ATRNL1: variants seen among roughly 807,000 people sequenced by gnomAD.
ATRNL1 encodes the protein attractin like 1, also known as attractin-like protein 1.
A neutral mutation model predicts 182.7 loss-of-function variants in ATRNL1; 95 were observed. The ratio of observed to expected loss-of-function variants is 0.52; its 90% CI spans 0.44 to 0.62. The LOEUF is 0.62. Among genes scored for constraint, ATRNL1 ranks in the 20% least tolerant of loss-of-function variants. The probability of loss-of-function intolerance (pLI) is 0.00; values close to 1 mark genes in which losing one functional copy is unlikely to be tolerated. For synonymous variants in ATRNL1, 576 were observed against 568.3 expected (o/e 1.01, Z -0.19); for missense variants, 1,471 against 1,679.5 (o/e 0.88, Z 2.17).
intron 26 of ATRNL1, among the ~76,000 whole-genome samples, chr10:115,555,594 A>G (rs1853267225): frequency 6.6e-6 from 1 of 151,972 alleles, no homozygotes; most frequent in South Asian, 2.1e-4. Context: ...TGTTTCAAGC[A>G]CATTTTTAGA....
intron 15 of ATRNL1, among the ~76,000 whole-genome samples, chr10:115,288,812 G>A (rs566015648): frequency 7.2e-5 from 11 of 152,208 alleles, no homozygotes; most frequent in South Asian, 2.1e-4. Context: ...ATGAGCCACC[G>A]TGTCCGGCCT....
At chr10:115,694,071 A>G (rs900172369) in intron 26 of ATRNL1, among the ~76,000 whole-genome samples, 14 of 151,896 alleles carry the variant, frequency 9.2e-5, no homozygotes, top group African/African-American at 3.4e-4. Context: ...TCCCTAAATC[A>G]TAGTACTTGT....
chr10:115,494,172 T>G (rs1473450371), intron 24 of ATRNL1, among the ~76,000 whole-genome samples: 2 of 152,192 alleles, frequency 1.3e-5, no homozygotes, highest in Non-Finnish European at 2.9e-5. Flanking sequence ...TTTGGCATCT[T>G]CATCATGATT....
At chr10:115,342,405 CCCATTATTTT>C (rs1554938650) in intron 19 of ATRNL1, among the ~76,000 whole-genome samples, 65 of 151,954 alleles carry the variant, frequency 4.3e-4, no homozygotes, top group African/African-American at 1.3e-3. Context: ...TACCTTATAG[CCCATTATTTT>C]AACCTAATAA....
chr10:115,501,076 GCACC>G (rs1554980007), intron 24 of ATRNL1, among the ~76,000 whole-genome samples: 1 of 151,670 alleles, frequency 6.6e-6, no homozygotes, highest in East Asian at 1.9e-4. Flanking sequence ...GAGATTACAG[GCACC>G]CACCACCATG....
intron 26 of ATRNL1, among the ~76,000 whole-genome samples, chr10:115,714,450 C>G (rs1318928081): frequency 2.0e-5 from 3 of 152,178 alleles, no homozygotes; most frequent in African/African-American, 7.2e-5. Context: ...GCAAACAGCA[C>G]GAACTTTCTG....
chr10:115,729,930 A>G (rs1177872842), intron 27 of ATRNL1, among the ~76,000 whole-genome samples: 2 of 151,798 alleles, frequency 1.3e-5, no homozygotes, highest in Non-Finnish European at 2.9e-5. Flanking sequence ...TTTATTTTTC[A>G]CTAAGATTAC....
At chr10:115,364,729 A>G (rs1332827132) in intron 19 of ATRNL1, among the ~76,000 whole-genome samples, 1 of 151,924 alleles carries the variant, frequency 6.6e-6, no homozygotes, top group East Asian at 1.9e-4. Context: ...TTTATCATGA[A>G]GGGTTGTTGA....
rs191113415 is a variant in ATRNL1 at position 115,133,637 on chromosome 10, A to G, written c.829+4102A>G. On this transcript the variant is annotated intron_variant, in intron 5 of 28. Transcript: ENST00000355044. ...CCCCACTGTCAATATTAGACAGATCAATAGACAGAAGGTTAACAGCGATAT... is the reference window on the plus strand; with the variant it reads ...CCCCACTGTCAATATTAGACAGATCGATAGACAGAAGGTTAACAGCGATAT... Among the ~76,000 whole-genome samples the G allele has an allele frequency of 6.2e-4, 94 of 152,124 alleles. 1 individual carries two copies. Among genetic ancestry groups the G allele is most frequent in the African/African-American group, 2.1e-3 (87 of 41,388 alleles).
chr10:115,324,259 A>G (rs1854753519), intron 18 of ATRNL1, among the ~76,000 whole-genome samples: 1 of 152,178 alleles, frequency 6.6e-6, no homozygotes, highest in Non-Finnish European at 1.5e-5. Flanking sequence ...CTGCAGATTT[A>G]CGTAAACAAT....
rs752335173 is a variant in ATRNL1, at chr10:115,204,074, CT to C, written c.1349-11617del. ...TTAGTTTTTAATGTTGTAAAGGGAT[CT>C]TTTTTGGTTTCTTTTTCAGATAGTT... On this transcript the variant is annotated intron_variant, in intron 8 of 28. Coordinates refer to ENST00000355044, the MANE Select transcript of ATRNL1 (RefSeq NM_207303.4). Among the ~76,000 whole-genome samples the C allele has an allele frequency of 6.6e-4, 100 of 151,772 alleles. No individual in the cohort carries two copies. In the Middle Eastern group the frequency reaches 0.017, roughly 26 times the overall value.
At chr10:115,541,096 C>T (rs1175233785) in intron 25 of ATRNL1, among the ~76,000 whole-genome samples, 1 of 152,062 alleles carries the variant, frequency 6.6e-6, no homozygotes, top group Non-Finnish European at 1.5e-5. Context: ...TTTTTCTTAT[C>T]GAAAGACACC....
intron 26 of ATRNL1, among the ~76,000 whole-genome samples, chr10:115,594,000 A>G (rs1856073828): frequency 6.6e-5 from 10 of 152,220 alleles, no homozygotes; most frequent in Admixed American, 5.9e-4. Context: ...ACTCTAAAAC[A>G]TATTATTAGG....
chr10:115,171,378 G>A, intron 8 of ATRNL1, 86 bp downstream of exon 8: 1 of 1,249,286 alleles, frequency 8.0e-7, no homozygotes, highest in Non-Finnish European at 1.1e-6. Flanking sequence ...TAGTCAAAAT[G>A]GTGAGTTATT....
At chr10:115,404,633 T>C (rs994536448) in intron 20 of ATRNL1, among the ~76,000 whole-genome samples, 1 of 152,190 alleles carries the variant, frequency 6.6e-6, no homozygotes, top group Non-Finnish European at 1.5e-5. Context: ...CCATGAGTAA[T>C]TAGTATTCCC....
intron 28 of ATRNL1, among the ~76,000 whole-genome samples, chr10:115,916,881 G>T (rs1211680538): frequency 1.3e-5 from 2 of 152,132 alleles, no homozygotes; most frequent in African/African-American, 4.8e-5. Flanking sequence ...ACACCTCCCT[G>T]TTCCTTCTGT....
chr10:115,723,997 A>T (rs1188250281), intron 26 of ATRNL1, among the ~76,000 whole-genome samples: 2 of 152,182 alleles, frequency 1.3e-5, no homozygotes, highest in Admixed American at 1.3e-4. Context: ...CAGTATGATT[A>T]TAATCTATTG....
chr10:115,120,364 CATTT>C (rs1844673565), intron 2 of ATRNL1, 96 bp downstream of exon 2: 2 of 621,996 alleles, frequency 3.2e-6, no homozygotes, highest in Non-Finnish European at 5.3e-6. Context: ...ATTACTTTAT[CATTT>C]AGTTTGTTTA....
At chr10:115,847,799 T>C in intron 27 of ATRNL1, 78 bp from the exon 28 acceptor site, 1 of 780,638 alleles carries the variant, frequency 1.3e-6, no homozygotes, top group East Asian at 2.6e-5. Context: ...CACAGCTACC[T>C]AAAGGATAGA....
Sources: allele counts gnomAD v4.1 joint callset (sites outside exome capture counted in the v4.1 genomes callset), GRCh38; gene constraint gnomAD v4.1.1; transcripts MANE v1.5; gene names NCBI Gene and HGNC (gene_info 2026-07-23, HGNC 2026-07-21).